FARSA: variants seen among roughly 807,000 people sequenced by gnomAD.
FARSA encodes phenylalanine--tRNA ligase alpha subunit.
In FARSA, 37 loss-of-function variants were observed where a neutral mutation model predicts 63.2. The ratio of observed to expected loss-of-function variants is 0.59; its 90% CI spans 0.45 to 0.77. FARSA has a LOEUF of 0.77. FARSA is among the 30% of genes least tolerant of loss of function. The probability of loss-of-function intolerance (pLI) is 0.00; values close to 1 mark genes in which losing one functional copy is unlikely to be tolerated. For missense variants in FARSA, 618 were observed against 696.6 expected (o/e 0.89, Z 1.27); for synonymous variants, 312 against 285.1 (o/e 1.09, Z -0.95).
chr19:12,930,549 G>A (rs778464260), intron 2 of FARSA, 22 bp from the exon 3 acceptor site: 4 of 1,611,440 alleles, frequency 2.5e-6, no homozygotes, highest in Non-Finnish European at 3.4e-6. Flanking sequence ...AGGCTGCAGT[G>A]AGTGGGGCAC....
At chr19:12,931,786 G>A (rs762579903) in intron 1 of FARSA, among the ~76,000 whole-genome samples, 2 of 152,158 alleles carry the variant, frequency 1.3e-5, no homozygotes, top group Non-Finnish European at 2.9e-5. Flanking sequence ...GAGGTTCCAG[G>A]TCCAGAGTCA....
rs1243029426 is a variant in FARSA at position 12,922,823 on chromosome 19, C to T, written c.1452G>A (p.Leu484=). The change falls in exon 13 of 13, where the codon CTG becomes CTA. Residue 484 remains leucine, a synonymous_variant. Coordinates refer to ENST00000314606, the MANE Select transcript of FARSA (RefSeq NM_004461.3). ...IRELVGHKVN[L]QMVYDSPLCR... ...ACAGGGGACTGTCATACACCATCTG[C>T]AGGTTCACCTTGTGGCCCACCAGCT... 4.3e-6 allele frequency: 7 copies of T among 1,614,032 alleles called. No homozygotes were observed. Among genetic ancestry groups the T allele is most frequent in the Non-Finnish European group, 5.9e-6 (7 of 1,180,046 alleles).
At chr19:12,927,916 G>A (rs895994433) in intron 7 of FARSA, among the ~76,000 whole-genome samples, 23 of 150,592 alleles carry the variant, frequency 1.5e-4, no homozygotes, top group African/African-American at 4.9e-4. Flanking sequence ...CAGCTACTCG[G>A]GAGGCTGAGG....
At position 12,924,236 on chromosome 19, in the gene FARSA, A is replaced by C; in HGVS notation, c.1303T>G (p.Ser435Ala). 6.2e-7 allele frequency: 1 copy of C among 1,614,106 alleles called. No individual in the cohort carries two copies. The highest frequency in any genetic ancestry group is 2.2e-5 in the East Asian group (1 of 44,870). Residue 435 changes from serine (S) to alanine (A), a missense_variant, in exon 12 of 13, where the codon TCG becomes GCG. By Grantham distance (99) the Ser-to-Ala change is moderately conservative. Transcript: ENST00000314606. This position sits in a 1 kb window ranked among gnomAD's most constrained non-coding sequence, Gnocchi z 6.4. The part of the protein sequence containing the change: ...GLKKWVEVGN[S>A]GVFRPEMLLP... ...AGCATCTCTGGACGGAAGACCCCCG[A>C]GTTTCCGACCTCCACCCACTTCTTC...
chr19:12,923,423 G>C (rs55923989), intron 12 of FARSA, among the ~76,000 whole-genome samples: 1 of 152,136 alleles, frequency 6.6e-6, no homozygotes, highest in African/African-American at 2.4e-5. Flanking sequence ...AGCCTCCTGA[G>C]TACCTAGGAC....
Position 12,924,886 on chromosome 19 carries a change from C to T in FARSA, c.1026+18G>A, listed in dbSNP as rs202082142. The T allele has an allele frequency of 4.3e-5, 69 of 1,613,988 alleles. No individual in the cohort carries two copies. Among genetic ancestry groups the T allele is most frequent in the Non-Finnish European group, 5.4e-5 (64 of 1,179,940 alleles). On this transcript the variant is annotated intron_variant, in intron 9 of 12. Transcript: ENST00000314606. This position sits in a 1 kb window ranked among gnomAD's most constrained non-coding sequence, Gnocchi z 6.4. ...AGCACCCTCTCCCCACTGGGGCCCC[C>T]GCCTGGGCCAACCGCACCTTCTGGG...
chr19:12,930,819 C>T (rs569909650), intron 1 of FARSA, 70 bp from the exon 2 acceptor site: 79 of 1,571,438 alleles, frequency 5.0e-5, no homozygotes, highest in Middle Eastern at 3.5e-4. Flanking sequence ...CTTTCTGCAG[C>T]GCTGGGTCCC....
At chr19:12,926,135 A>G (rs1260348403) in intron 7 of FARSA, among the ~76,000 whole-genome samples, 1 of 149,566 alleles carries the variant, frequency 6.7e-6, no homozygotes, top group Non-Finnish European at 1.5e-5. Context: ...TGCCCAGCTA[A>G]TTTTTGTATT....
chr19:12,922,682 C>A lies in FARSA; in HGVS notation c.*66G>T. On this transcript the variant is annotated 3_prime_UTR_variant, in exon 13 of 13. Coordinates refer to ENST00000314606, the MANE Select transcript of FARSA (RefSeq NM_004461.3). ...GGCCTCATAAATACAAGGTCACTGG[C>A]CAGGGATGCAAAGGAGCGCAGCAGC... is the stretch of plus-strand genomic sequence containing the variant. 1 of 1,596,686 alleles carries A rather than the reference C, an allele frequency of 6.3e-7. No homozygotes were observed. The highest frequency in any genetic ancestry group is 8.5e-7 in the Non-Finnish European group (1 of 1,173,494).
At chr19:12,929,806 C>T (rs1257621227) in intron 4 of FARSA, among the ~76,000 whole-genome samples, 5 of 152,156 alleles carry the variant, frequency 3.3e-5, no homozygotes, top group Non-Finnish European at 7.4e-5. Context: ...TGTGAGAGGA[C>T]GGCCCCTAGC....
At chr19:12,922,931 A>G (rs1184612560) in intron 12 of FARSA, 45 bp from the exon 13 acceptor site, 1 of 1,612,668 alleles carries the variant, frequency 6.2e-7, no homozygotes, top group Non-Finnish European at 8.5e-7. Flanking sequence ...CAGCACGTGC[A>G]CCCTTCTGCT....
At chr19:12,930,906 A>G (rs1386977105) in intron 1 of FARSA, among the ~76,000 whole-genome samples, 157 bp from the exon 2 acceptor site, 1 of 152,230 alleles carries the variant, frequency 6.6e-6, no homozygotes, top group Non-Finnish European at 1.5e-5. Context: ...CTCAAGGGAA[A>G]GACTTCCCCT....
In FARSA at chr19:12,930,531, GA is replaced by G; in HGVS notation, c.286-5del. 1 of 1,613,090 alleles carries G rather than the reference GA, an allele frequency of 6.2e-7. No individual in the cohort carries two copies. Among genetic ancestry groups the G allele is most frequent in the Non-Finnish European group, 8.5e-7 (1 of 1,179,346 alleles). ...CCACTTTGCCACTGGGCAGTCGCTG[GA>G]AAAGAGAGGCTGCAGTGAGTGGGGC... is the stretch of plus-strand genomic sequence containing the variant. On this transcript the variant is annotated splice_polypyrimidine_tract_variant and splice_region_variant and intron_variant, in intron 2 of 12. Coordinates refer to ENST00000314606, the MANE Select transcript of FARSA (RefSeq NM_004461.3).
At chr19:12,927,893 G>A (rs915332001) in intron 7 of FARSA, among the ~76,000 whole-genome samples, 22 of 151,274 alleles carry the variant, frequency 1.5e-4, no homozygotes, top group Admixed American at 3.3e-4. Flanking sequence ...ATGGTGGTAT[G>A]CACCTGTAAT....
At position 12,925,139 on chromosome 19, in the gene FARSA, C is replaced by A; in HGVS notation, c.877G>T (p.Val293Phe). The A allele has an allele frequency of 6.2e-7, 1 of 1,605,492 alleles. No individual in the cohort carries two copies. ...GAGTGGGTCCGCTTGACCCGCTGGA[C>A]ATAGTCCATTGGGAGCTGCAGGGCC... is the stretch of plus-strand genomic sequence containing the variant. ...AEALQLPMDY[V>F]QRVKRTHSQG... Residue 293 changes from valine to phenylalanine, a missense_variant, in exon 8 of 13, where the codon GTC (valine) becomes TTC (phenylalanine). Coordinates refer to ENST00000314606, the MANE Select transcript of FARSA (RefSeq NM_004461.3).
chr19:12,930,061 A>G (rs1971372990), intron 4 of FARSA, among the ~76,000 whole-genome samples, 162 bp downstream of exon 4: 1 of 152,166 alleles, frequency 6.6e-6, no homozygotes. Context: ...CTCATGGGCA[A>G]AGACCCCAAG....
intron 1 of FARSA, among the ~76,000 whole-genome samples, chr19:12,932,036 ATTTTTTT>A (rs35705523): frequency 7.5e-6 from 1 of 132,478 alleles, no homozygotes; most frequent in Non-Finnish European, 1.6e-5. Flanking sequence ...CACTGCATAA[ATTTTTTT>A]TTTTTTTTTT....
At position 12,933,705 on chromosome 19, in the gene FARSA, C is replaced by G. The variant is rs1396282651; in HGVS notation, c.-9G>C. On this transcript the variant is annotated 5_prime_UTR_variant, in exon 1 of 13. Transcript: ENST00000314606. The stretch of plus-strand genomic sequence containing the variant: ...ACCTGACCATCCGCCATGACTCCTT[C>G]CAGTGTGCTCAGCGTGTCCGGGCCC... 6.4e-7 allele frequency: 1 copy of G among 1,559,528 alleles called. No individual in the cohort carries two copies. The highest frequency in any genetic ancestry group is 8.6e-7 in the Non-Finnish European group (1 of 1,156,554).
intron 7 of FARSA, 120 bp downstream of exon 7, chr19:12,928,222 G>A (rs759695841): frequency 1.3e-6 from 1 of 747,354 alleles, no homozygotes; most frequent in Non-Finnish European, 2.2e-6. Context: ...CGGACTACAG[G>A]TGCACACCAC....
Sources: gnomAD v4.1 joint callset for allele counts (sites outside exome capture counted in the v4.1 genomes callset) on GRCh38, gnomAD v4.1.1 for gene constraint, Gnocchi (gnomAD v3.1) non-coding constraint, MANE v1.5 for transcripts, NCBI Gene and HGNC (gene_info 2026-07-23, HGNC 2026-07-21) for gene names.